The following NSUN7 variants were observed in gnomAD, a reference collection of about 807,000 sequenced individuals.
NSUN7 encodes the protein protein NSUN7.
Under a neutral mutation model 58.5 loss-of-function variants are expected in NSUN7, and 39 were observed. That is an observed-to-expected ratio of 0.67 (90% CI 0.52 to 0.87). NSUN7 has a LOEUF of 0.87. Among genes scored for constraint, NSUN7 ranks in the 40% least tolerant of loss-of-function variants. The pLI is 0.00. For synonymous variants in NSUN7, 278 were observed against 303.7 expected (o/e 0.92, Z 0.88); for missense variants, 765 against 844.1 (o/e 0.91, Z 1.16).
In NSUN7 at chr4:40,807,047, C is replaced by T; in HGVS notation, c.1401-14C>T. 6.5e-7 allele frequency: 1 copy of T among 1,549,920 alleles called. No homozygotes were observed. Among genetic ancestry groups the T allele is most frequent in the South Asian group, 1.2e-5 (1 of 83,412 alleles). On this transcript the variant is annotated splice_polypyrimidine_tract_variant and intron_variant, in intron 10 of 11. Transcript: ENST00000381782. ...CCATTCTAACTGCTGAATGCTTGTT[C>T]CTGTCTGCTGCAGGCTTAGTCCTCC...
At chr4:40,755,192 T>A (rs917292722) in intron 2 of NSUN7, among the ~76,000 whole-genome samples, 1 of 152,118 alleles carries the variant, frequency 6.6e-6, no homozygotes, top group Admixed American at 6.6e-5. Context: ...CAGGTTCAAG[T>A]GATTCTCCTG....
rs1260753256 is a variant in NSUN7, at chr4:40,774,615, TC to T, written c.642-151del. 13 of 693,022 alleles carry T rather than the reference TC, an allele frequency of 1.9e-5. No individual in the cohort carries two copies. In the East Asian group the frequency reaches 3.5e-4, roughly 19 times the overall value. The allele number at this position is 693,022 out of a possible 1,614,324, so 42.9% of individuals were successfully genotyped here. A position where few individuals can be genotyped will look rare whatever the true frequency, so the allele number is the denominator to read the frequency against. On this transcript the variant is annotated intron_variant, in intron 5 of 11. Coordinates refer to ENST00000381782, the MANE Select transcript of NSUN7 (RefSeq NM_024677.6). ...ATGTTAACTTCTCTGCCTATAATTA[TC>T]TTTTAGTTTATTGTTGGTTAAAATT...
chr4:40,796,451 A>G (rs1249896118), intron 9 of NSUN7, among the ~76,000 whole-genome samples: 1 of 152,072 alleles, frequency 6.6e-6, no homozygotes, highest in Admixed American at 6.6e-5. Context: ...ACCAACCTGG[A>G]CAACATAGTG....
Position 40,750,739 on chromosome 4 carries a change from C to T in NSUN7, c.46C>T (p.Pro16Ser), listed in dbSNP as rs1740779104. ...GELEFSNEEDPEIISQLTSLP... is the reference protein window; with the variant it reads ...GELEFSNEEDSEIISQLTSLP... ...ACTGGAGTTTTCGAACGAAGAAGATCCCGAGATCATCTCCCAACTCACTTC... is the reference window on the plus strand; with the variant it reads ...ACTGGAGTTTTCGAACGAAGAAGATTCCGAGATCATCTCCCAACTCACTTC... The change falls in exon 2 of 12, where the codon CCC (proline) becomes TCC (serine). Residue 16 changes from proline to serine, a missense_variant. Coordinates refer to ENST00000381782, the MANE Select transcript of NSUN7 (RefSeq NM_024677.6). The T allele has an allele frequency of 6.2e-7, 1 of 1,613,956 alleles. No individual in the cohort carries two copies. The highest frequency in any genetic ancestry group is 1.1e-5 in the South Asian group (1 of 91,076).
At chr4:40,784,553 G>T (rs192678247) in intron 7 of NSUN7, among the ~76,000 whole-genome samples, 1 of 152,312 alleles carries the variant, frequency 6.6e-6, no homozygotes, top group Admixed American at 6.5e-5. Context: ...GGGGGAAGAG[G>T]ACAATATCCC....
chr4:40,770,095 A>C (rs1741925940), intron 4 of NSUN7, among the ~76,000 whole-genome samples: 1 of 151,530 alleles, frequency 6.6e-6, no homozygotes, highest in Non-Finnish European at 1.5e-5. Context: ...CTGTAATCCT[A>C]CCTACTTGGG....
chr4:40,806,005 C>T (rs1220892987), intron 10 of NSUN7, among the ~76,000 whole-genome samples: 1 of 152,112 alleles, frequency 6.6e-6, no homozygotes, highest in Non-Finnish European at 1.5e-5. Flanking sequence ...CCACACCTGG[C>T]TAATTTTTGT....
intron 2 of NSUN7, among the ~76,000 whole-genome samples, chr4:40,759,941 T>A (rs1741368629): frequency 1.3e-5 from 2 of 152,186 alleles, no homozygotes; most frequent in Non-Finnish European, 2.9e-5. Flanking sequence ...CTCTGGAGGC[T>A]GAGGCAGAAT....
chr4:40,808,307 C>T lies in NSUN7; in HGVS notation c.1525C>T (p.Arg509Trp), dbSNP rs780666271. Reference sequence around the variant, plus strand: ...TTAGTAAATGCTTCTTTAATTGCAGCGGGACCCTTCTGAGACAGTGTCTGT... The same window carrying T: ...TTAGTAAATGCTTCTTTAATTGCAGTGGGACCCTTCTGAGACAGTGTCTGT... Reference protein sequence around the residue: ...GCFLSILTRERDPSETVSVND... With the variant: ...GCFLSILTREWDPSETVSVND... Residue 509 changes from arginine (R) to tryptophan (W), a missense_variant and splice_region_variant, in exon 12 of 12, where the codon CGG (arginine) becomes TGG (tryptophan). Transcript: ENST00000381782. 7 of 1,603,382 alleles carry T rather than the reference C, an allele frequency of 4.4e-6. No individual in the cohort carries two copies. Among genetic ancestry groups the T allele is most frequent in the Non-Finnish European group, 5.1e-6 (6 of 1,174,074 alleles).
chr4:40,787,755 T>C (rs2154288458), intron 7 of NSUN7, among the ~76,000 whole-genome samples: 1 of 152,332 alleles, frequency 6.6e-6, no homozygotes, highest in African/African-American at 2.4e-5. Context: ...AAGGAAGAAA[T>C]AATACTCTTT....
intron 10 of NSUN7, among the ~76,000 whole-genome samples, chr4:40,799,389 G>A (rs1282747499): frequency 6.6e-6 from 1 of 151,832 alleles, no homozygotes; most frequent in Non-Finnish European, 1.5e-5. Flanking sequence ...GCCTGGTGCG[G>A]TGGCTCACAC....
chr4:40,750,898 A>C lies in NSUN7; in HGVS notation c.205A>C (p.Lys69Gln), dbSNP rs749312355. The C allele has an allele frequency of 1.3e-5, 21 of 1,614,170 alleles. No homozygotes were observed. In the South Asian group the frequency reaches 2.2e-4, roughly 17 times the overall value. The change falls in exon 2 of 12, where the codon AAG becomes CAG. Residue 69 changes from lysine (K) to glutamine (Q), a missense_variant. Transcript: ENST00000381782. ...AAAGTCGGCACAGAAAGTCTTAATC[A>C]AGTATGGGAATGAACCCCTGCGGTC... ...IEKSAQKVLI[K>Q]YGNEPLRSLS... is the part of the protein sequence containing the mutation.
At chr4:40,786,487 G>C in intron 7 of NSUN7, 1 of 1,612,972 alleles carries the variant, frequency 6.2e-7, no homozygotes, top group Non-Finnish European at 8.5e-7. Flanking sequence ...AGAAAATCAA[G>C]GAGTCCCTGT....
chr4:40,792,132 T>C (rs1189106017), intron 8 of NSUN7, among the ~76,000 whole-genome samples: 1 of 152,064 alleles, frequency 6.6e-6, no homozygotes, highest in Non-Finnish European at 1.5e-5. Flanking sequence ...AATTTCTAGA[T>C]GAACTTTAAG....
At chr4:40,773,741 C>T (rs573581055) in intron 4 of NSUN7, among the ~76,000 whole-genome samples, 1 of 151,870 alleles carries the variant, frequency 6.6e-6, no homozygotes, top group East Asian at 1.9e-4. Flanking sequence ...TAAGAAATTG[C>T]TGCACAACTA....
chr4:40,785,476 C>T (rs1356722236), intron 7 of NSUN7, among the ~76,000 whole-genome samples: 9 of 152,180 alleles, frequency 5.9e-5, no homozygotes, highest in Non-Finnish European at 1.2e-4. Flanking sequence ...TCTTCTGCCT[C>T]AGCCTCCCAA....
chr4:40,786,960 A>G (rs574888413), intron 7 of NSUN7, among the ~76,000 whole-genome samples: 14 of 152,264 alleles, frequency 9.2e-5, no homozygotes, highest in African/African-American at 2.9e-4. Context: ...GGGGAAGCCA[A>G]GCAAGGATAG....
chr4:40,757,553 AAATT>A (rs1436694057), intron 2 of NSUN7, among the ~76,000 whole-genome samples: 3 of 143,014 alleles, frequency 2.1e-5, no homozygotes, highest in Non-Finnish European at 3.0e-5. Flanking sequence ...ATATATATAA[AAATT>A]ATATATATAT....
At chr4:40,773,431 C>T (rs1370291618) in intron 4 of NSUN7, among the ~76,000 whole-genome samples, 1 of 152,020 alleles carries the variant, frequency 6.6e-6, no homozygotes, top group Non-Finnish European at 1.5e-5. Context: ...GCCTGTAATC[C>T]CAGCACTTTG....
Sources: allele counts gnomAD v4.1 joint callset (sites outside exome capture counted in the v4.1 genomes callset), GRCh38; gene constraint gnomAD v4.1.1; transcripts MANE v1.5; gene names NCBI Gene and HGNC (gene_info 2026-07-23, HGNC 2026-07-21).